The following ADAMTS18 variants were observed in gnomAD, a reference collection of about 807,000 sequenced individuals.
The protein encoded by ADAMTS18 is A disintegrin and metalloproteinase with thrombospondin motifs 18.
ADAMTS18 carries 157 observed loss-of-function variants against 165.9 expected under a neutral mutation model. The ratio of observed to expected loss-of-function variants is 0.95; its 90% CI spans 0.83 to 1.08. The LOEUF (loss-of-function observed/expected upper bound fraction) is 1.08. Ranked by LOEUF, ADAMTS18 falls within the 50% of genes least tolerant of loss-of-function variation. The probability of loss-of-function intolerance (pLI) is 0.00; values close to 1 mark genes in which losing one functional copy is unlikely to be tolerated. For synonymous variants in ADAMTS18, 782 were observed against 578.2 expected (o/e 1.35, Z -5.06); for missense variants, 2,040 against 1,534.0 (o/e 1.33, Z -5.51).
In ADAMTS18 at chr16:77,349,234, G is replaced by A. The variant is rs75711048; in HGVS notation, c.1614+4499C>T. 5.1e-3 allele frequency among the ~76,000 whole-genome samples: 777 copies of A among 152,100 alleles called. 9 individuals are homozygous for A. Among genetic ancestry groups the A allele is most frequent in the African/African-American group, 0.018 (747 of 41,508 alleles). On this transcript the variant is annotated intron_variant, in intron 10 of 22. Transcript: ENST00000282849. ...AATAGAAAAGTCAAGCTGGGAACTC[G>A]GTCACACAAACCTGTCTCCCCCTTT...
chr16:77,356,674 T>C (rs2056635652), intron 8 of ADAMTS18, among the ~76,000 whole-genome samples: 1 of 152,214 alleles, frequency 6.6e-6, no homozygotes, highest in South Asian at 2.1e-4. Context: ...TATTAAATCT[T>C]GACCATTACT....
intron 3 of ADAMTS18, among the ~76,000 whole-genome samples, chr16:77,371,536 GT>G (rs1049985494): frequency 2.6e-5 from 4 of 152,102 alleles, no homozygotes; most frequent in Non-Finnish European, 5.9e-5. Flanking sequence ...GGAAAGGACA[GT>G]TTTTTCAACA....
chr16:77,359,412 TG>T lies in ADAMTS18; in HGVS notation c.1227del (p.Ile410SerfsTer35). On this transcript the variant is annotated frameshift_variant, in exon 8 of 23. Coordinates refer to ENST00000282849, the MANE Select transcript of ADAMTS18 (RefSeq NM_199355.4). LOFTEE classifies it high-confidence loss of function. ...CGGTACTTAGAGCACATTCCACTGA[TG>T]GGGGCAAACCCTATTGAAAGAGCAG... is the stretch of plus-strand genomic sequence containing the variant. Reference protein sequence around the residue: ...NEPCDTLGFAPISGMCSKYRS... With the variant: ...NEPCDTLGFAXISGMCSKYRS... 1 of 1,613,810 alleles carries T rather than the reference TG, an allele frequency of 6.2e-7. No individual in the cohort carries two copies. Among genetic ancestry groups the T allele is most frequent in the Non-Finnish European group, 8.5e-7 (1 of 1,179,936 alleles).
Position 77,322,326 on chromosome 16 carries a change from G to A in ADAMTS18, c.2163+10C>T, listed in dbSNP as rs780481408. The A allele has an allele frequency of 1.1e-5, 17 of 1,613,576 alleles. No homozygotes were observed. Among genetic ancestry groups the A allele is most frequent in the Admixed American group, 8.3e-5 (5 of 59,960 alleles). ...TGCTCATACACTCCAAAGCAGAAACGTTCTCTTACTTCACAAACCCCGTCA... is the reference window on the plus strand; with the variant it reads ...TGCTCATACACTCCAAAGCAGAAACATTCTCTTACTTCACAAACCCCGTCA... On this transcript the variant is annotated intron_variant, in intron 14 of 22. Transcript: ENST00000282849.
intron 3 of ADAMTS18, among the ~76,000 whole-genome samples, chr16:77,414,322 C>A (rs1037390138): frequency 6.6e-6 from 1 of 152,214 alleles, no homozygotes; most frequent in Non-Finnish European, 1.5e-5. Flanking sequence ...CCCAAGACAG[C>A]AGCCCTTAGT....
intron 16 of ADAMTS18, among the ~76,000 whole-genome samples, chr16:77,304,809 A>T (rs893686482): frequency 1.3e-5 from 2 of 152,210 alleles, no homozygotes; most frequent in Admixed American, 1.3e-4. Flanking sequence ...ATGCCTGTGT[A>T]TGTGTGTTAC....
intron 3 of ADAMTS18, among the ~76,000 whole-genome samples, chr16:77,372,240 A>G (rs1027768372): frequency 6.6e-6 from 1 of 152,232 alleles, no homozygotes; most frequent in Non-Finnish European, 1.5e-5. Flanking sequence ...TAGTTCTACC[A>G]TATGATCCAG....
chr16:77,298,513 C>T (rs1031523453), intron 17 of ADAMTS18, among the ~76,000 whole-genome samples: 1 of 152,068 alleles, frequency 6.6e-6, no homozygotes, highest in African/African-American at 2.4e-5. Context: ...ACATCAAGGC[C>T]GGGCACGATG....
chr16:77,351,429 G>T (rs1478201832), intron 10 of ADAMTS18, among the ~76,000 whole-genome samples: 2 of 152,248 alleles, frequency 1.3e-5, no homozygotes, highest in African/African-American at 2.4e-5. Flanking sequence ...AATTTAAAAA[G>T]GTTGTTTAAG....
At chr16:77,329,130 G>C (rs557017584) in intron 12 of ADAMTS18, among the ~76,000 whole-genome samples, 1 of 151,654 alleles carries the variant, frequency 6.6e-6, no homozygotes, top group Admixed American at 6.6e-5. Flanking sequence ...TTTTGAGACA[G>C]AGTCTTGCTC....
chr16:77,314,098 T>C (rs757550335), intron 16 of ADAMTS18, among the ~76,000 whole-genome samples: 39 of 152,240 alleles, frequency 2.6e-4, no homozygotes, highest in African/African-American at 8.9e-4. Context: ...TAATAACAGC[T>C]TCTCTTGAGT....
At chr16:77,387,857 C>G (rs2057130899) in intron 3 of ADAMTS18, among the ~76,000 whole-genome samples, 1 of 152,164 alleles carries the variant, frequency 6.6e-6, no homozygotes, top group African/African-American at 2.4e-5. Context: ...ACTGATGACT[C>G]CTGCCCCCAT....
chr16:77,417,239 T>C (rs1173977224), intron 3 of ADAMTS18, among the ~76,000 whole-genome samples: 1 of 152,058 alleles, frequency 6.6e-6, no homozygotes, highest in African/African-American at 2.4e-5. Context: ...AAAAATGTTT[T>C]AGAAGTGTGA....
At chr16:77,318,121 A>T (rs2055920491) in intron 16 of ADAMTS18, among the ~76,000 whole-genome samples, 1 of 152,202 alleles carries the variant, frequency 6.6e-6, no homozygotes, top group African/African-American at 2.4e-5. Flanking sequence ...TTATGAACAC[A>T]ATCTTCCTAA....
chr16:77,327,053 A>G (rs1364161523), intron 12 of ADAMTS18, among the ~76,000 whole-genome samples: 1 of 152,226 alleles, frequency 6.6e-6, no homozygotes, highest in Non-Finnish European at 1.5e-5. Flanking sequence ...GCTGCATAGT[A>G]TTCCATGGTG....
rs989606645 is a variant in ADAMTS18, at chr16:77,391,472, A to G, written c.496-23749T>C. Among the ~76,000 whole-genome samples, 18 of 150,686 alleles carry G rather than the reference A, an allele frequency of 1.2e-4. 1 individual carries two copies. The highest frequency in any genetic ancestry group is 4.0e-4 in the Admixed American group (6 of 15,090). On this transcript the variant is annotated intron_variant, in intron 3 of 22. Transcript: ENST00000282849. ...ACACCACTGCACTCCAGCCTGGGCAACAGCGCAAGACTCAGTCTCAAAAAA... is the reference window on the plus strand; with the variant it reads ...ACACCACTGCACTCCAGCCTGGGCAGCAGCGCAAGACTCAGTCTCAAAAAA...
chr16:77,334,954 A>C (rs2056283420), intron 12 of ADAMTS18, among the ~76,000 whole-genome samples: 1 of 141,890 alleles, frequency 7.0e-6, no homozygotes, highest in African/African-American at 2.6e-5. Context: ...AGTATATAGT[A>C]GTATATATAC....
intron 19 of ADAMTS18, 98 bp from the exon 20 acceptor site, chr16:77,293,356 G>A: frequency 9.1e-7 from 1 of 1,098,598 alleles, no homozygotes; most frequent in Middle Eastern, 2.0e-4. Flanking sequence ...TGTGAAAGGT[G>A]GGATAAACTC....
intron 17 of ADAMTS18, chr16:77,300,017 C>T (rs2055550323): frequency 3.8e-5 from 15 of 398,670 alleles, no homozygotes; most frequent in South Asian, 7.5e-5. Context: ...ATGTTTTTCC[C>T]ATAAGTTTTA....
Sources: allele counts gnomAD v4.1 joint callset (sites outside exome capture counted in the v4.1 genomes callset), GRCh38; gene constraint gnomAD v4.1.1; transcripts MANE v1.5; gene names NCBI Gene and HGNC (gene_info 2026-07-23, HGNC 2026-07-21).